IGF2BP2: variants seen among roughly 807,000 people sequenced by gnomAD.
The protein encoded by IGF2BP2 is insulin-like growth factor 2 mRNA-binding protein 2.
Under a neutral mutation model 75.8 loss-of-function variants are expected in IGF2BP2, and 17 were observed. The ratio of observed to expected loss-of-function variants is 0.22; its 90% CI spans 0.15 to 0.34. The LOEUF (loss-of-function observed/expected upper bound fraction) is 0.34. Among genes scored for constraint, IGF2BP2 ranks in the 10% least tolerant of loss-of-function variants. The pLI, the probability that IGF2BP2 is intolerant of heterozygous loss-of-function variation, is 1.00. For missense variants in IGF2BP2, 516 were observed against 772.4 expected (o/e 0.67, Z 3.93); for synonymous variants, 288 against 295.6 (o/e 0.97, Z 0.26).
At chr3:185,695,230 T>C (rs1722430410) in intron 4 of IGF2BP2, among the ~76,000 whole-genome samples, 1 of 152,204 alleles carries the variant, frequency 6.6e-6, no homozygotes, top group Admixed American at 6.5e-5. Flanking sequence ...CTGAATAATA[T>C]CTGAATAATT....
chr3:185,655,849 G>A (rs1288136342), intron 12 of IGF2BP2, among the ~76,000 whole-genome samples: 1 of 152,208 alleles, frequency 6.6e-6, no homozygotes, highest in Non-Finnish European at 1.5e-5. Context: ...TTGTGGCCTT[G>A]GACAAGCCAG....
At chr3:185,685,287 T>A (rs574665571) in intron 7 of IGF2BP2, among the ~76,000 whole-genome samples, 1 of 151,616 alleles carries the variant, frequency 6.6e-6, no homozygotes, top group African/African-American at 2.4e-5. Flanking sequence ...GACGGGAGGT[T>A]GCAGTGAGCC....
In IGF2BP2 at chr3:185,675,877, A is replaced by G. The variant is rs764657828; in HGVS notation, c.849T>C (p.Asn283=). ...EEIPLKILAH[N]GLVGRLIGKE... is the part of the protein sequence containing the mutation. ...TTCCAATCAGTCTTCCAACCAAGCC[A>G]TTGTGTGCCAAGATTTTCAGAGGAA... Residue 283 remains asparagine (N), a synonymous_variant, in exon 8 of 16, where the codon AAT becomes AAC. Transcript: ENST00000382199. The G allele has an allele frequency of 3.7e-6, 6 of 1,613,930 alleles. No individual in the cohort carries two copies. Among genetic ancestry groups the G allele is most frequent in the Non-Finnish European group, 4.2e-6 (5 of 1,179,980 alleles).
At position 185,689,348 on chromosome 3, in the gene IGF2BP2, C is replaced by T. The variant is rs756336045; in HGVS notation, c.677+7G>A. On this transcript the variant is annotated splice_region_variant and intron_variant, in intron 6 of 15. Transcript: ENST00000382199. ...AAGGAAGCAAAGGAAGCCCCACAGG[C>T]ACGTACCGGGACTGGGTCTGCTTAG... 3.1e-6 allele frequency: 5 copies of T among 1,611,018 alleles called. No homozygotes were observed. In the East Asian group the frequency reaches 1.1e-4, roughly 36 times the overall value.
chr3:185,743,504 G>A (rs569276355), intron 2 of IGF2BP2, among the ~76,000 whole-genome samples: 31 of 152,158 alleles, frequency 2.0e-4, no homozygotes, highest in Non-Finnish European at 3.8e-4. Flanking sequence ...TCAAACTCCT[G>A]ACCTCAGGTG....
At chr3:185,649,719 G>A (rs1379852799) in intron 13 of IGF2BP2, among the ~76,000 whole-genome samples, 185 bp from the exon 14 acceptor site, 4 of 152,208 alleles carry the variant, frequency 2.6e-5, no homozygotes, top group Admixed American at 2.6e-4. Flanking sequence ...CTCCCGCCAC[G>A]TCAGATGGCT....
At chr3:185,775,606 C>T (rs1734441739) in intron 2 of IGF2BP2, among the ~76,000 whole-genome samples, 1 of 152,168 alleles carries the variant, frequency 6.6e-6, no homozygotes, top group Non-Finnish European at 1.5e-5. Flanking sequence ...GAGGGAACAT[C>T]ATTCTGAGCA....
chr3:185,768,271 T>G (rs1213712500), intron 2 of IGF2BP2, among the ~76,000 whole-genome samples: 3 of 152,170 alleles, frequency 2.0e-5, no homozygotes, highest in Non-Finnish European at 4.4e-5. Flanking sequence ...TATTGTTAAT[T>G]AAAACATCCT....
intron 2 of IGF2BP2, among the ~76,000 whole-genome samples, chr3:185,754,113 G>T (rs1731298050): frequency 6.6e-6 from 1 of 152,058 alleles, no homozygotes; most frequent in African/African-American, 2.4e-5. Context: ...GGAGGCTGAG[G>T]CAGGAGAATT....
intron 5 of IGF2BP2, among the ~76,000 whole-genome samples, chr3:185,690,402 T>A (rs1252861494): frequency 6.6e-6 from 1 of 152,244 alleles, no homozygotes; most frequent in Non-Finnish European, 1.5e-5. Context: ...ACATACTATG[T>A]TCTAACCTTT....
At chr3:185,734,961 T>C (rs1728664145) in intron 2 of IGF2BP2, among the ~76,000 whole-genome samples, 1 of 152,138 alleles carries the variant, frequency 6.6e-6, no homozygotes, top group African/African-American at 2.4e-5. Context: ...CACACTGTAA[T>C]AGCGAAGACA....
chr3:185,664,798 T>C (rs987040671), intron 10 of IGF2BP2, among the ~76,000 whole-genome samples: 14 of 152,130 alleles, frequency 9.2e-5, no homozygotes, highest in African/African-American at 3.1e-4. Flanking sequence ...AGGTTTGCTA[T>C]AACTTTCCTC....
chr3:185,672,994 G>C (rs939833567), intron 9 of IGF2BP2, among the ~76,000 whole-genome samples: 11 of 152,090 alleles, frequency 7.2e-5, no homozygotes, highest in Non-Finnish European at 1.5e-4. Flanking sequence ...AAATACCTCT[G>C]AGCCCCTTCA....
intron 2 of IGF2BP2, among the ~76,000 whole-genome samples, chr3:185,768,101 T>TTTCTA (rs1733339974): frequency 6.6e-6 from 1 of 152,220 alleles, no homozygotes; most frequent in Non-Finnish European, 1.5e-5. Flanking sequence ...CTGCTTTGTC[T>TTTCTA]TTCTATTCAG....
chr3:185,676,023 C>T, intron 7 of IGF2BP2, 110 bp from the exon 8 acceptor site: 1 of 1,395,868 alleles, frequency 7.2e-7, no homozygotes, highest in Non-Finnish European at 9.7e-7. Flanking sequence ...GTTCAGGTAC[C>T]AAGTGATGAT....
intron 9 of IGF2BP2, 36 bp from the exon 10 acceptor site, chr3:185,672,705 G>A (rs184763281): frequency 6.2e-7 from 1 of 1,612,354 alleles, no homozygotes; most frequent in Non-Finnish European, 8.5e-7. Context: ...ATGAAGGGAG[G>A]AGACCAGAGA....
rs552506600 is a variant in IGF2BP2, at chr3:185,760,090, T to C, written c.240-61743A>G. 2.0e-5 allele frequency among the ~76,000 whole-genome samples: 3 copies of C among 152,318 alleles called. No homozygotes were observed. In the South Asian group the frequency reaches 6.2e-4, roughly 32 times the overall value. On this transcript the variant is annotated intron_variant, in intron 2 of 15. Transcript: ENST00000382199. ...TTAACAATGAAAAGCCATTTCCTTA[T>C]ACTAGCAAATATGTCCTTACAATGT...
intron 10 of IGF2BP2, among the ~76,000 whole-genome samples, chr3:185,669,400 A>G (rs1262655563): frequency 6.6e-6 from 1 of 152,106 alleles, no homozygotes; most frequent in African/African-American, 2.4e-5. Context: ...AACACTGGTT[A>G]TATCTAGGTT....
intron 2 of IGF2BP2, among the ~76,000 whole-genome samples, chr3:185,752,378 A>C (rs917004612): frequency 6.6e-6 from 1 of 152,214 alleles, no homozygotes; most frequent in African/African-American, 2.4e-5. Context: ...AAACATTTAA[A>C]TTACTTAAAA....
Sources: allele counts gnomAD v4.1 joint callset (sites outside exome capture counted in the v4.1 genomes callset), GRCh38; gene constraint gnomAD v4.1.1; transcripts MANE v1.5; gene names NCBI Gene and HGNC (gene_info 2026-07-23, HGNC 2026-07-21).